Variants in TMEM272 observed in about 807,000 individuals in gnomAD.
The protein encoded by TMEM272 is long intergenic non-protein coding RNA 282.
In TMEM272, 8 loss-of-function variants were observed where a neutral mutation model predicts 3.7. That is an observed-to-expected ratio of 2.17 (90% CI 1.27 to 3.91). TMEM272 has a LOEUF of 3.91. Among genes scored for constraint, TMEM272 ranks in the 30% most tolerant of loss-of-function variants. The pLI is 0.00. For missense variants in TMEM272, 166 were observed against 91.5 expected (o/e 1.81, Z -3.32); for synonymous variants, 63 against 39.8 (o/e 1.58, Z -2.20).
At chr13:51,822,221 A>C in intron 3 of TMEM272, 84 bp from the exon 4 acceptor site, 3 of 624,498 alleles carry the variant, frequency 4.8e-6, no homozygotes, top group Non-Finnish European at 8.6e-6. Context: ...GAACACCTTC[A>C]AAAGCCAAAA....
the TMEM272 span, among the ~76,000 whole-genome samples, chr13:51,893,236 G>A: frequency 6.6e-5 from 10 of 152,212 alleles, no homozygotes; most frequent in Admixed American, 6.5e-5. Context: ...TGCAGTTCTC[G>A]AGTATTTGTT....
At chr13:51,912,312 C>T in the TMEM272 span, among the ~76,000 whole-genome samples, 2 of 152,158 alleles carry the variant, frequency 1.3e-5, no homozygotes, top group African/African-American at 4.8e-5. Context: ...TTCCCATTCA[C>T]GCTTGTTCTT....
chr13:51,930,733 T>G, the TMEM272 span, among the ~76,000 whole-genome samples: 1 of 150,648 alleles, frequency 6.6e-6, no homozygotes, highest in African/African-American at 2.4e-5. Flanking sequence ...ACTAAAACAC[T>G]GTCATAATTT....
chr13:51,934,221 G>A, the TMEM272 span: 2 of 208,278 alleles, frequency 9.6e-6, no homozygotes, highest in Non-Finnish European at 9.9e-6. Context: ...CAAGCACACA[G>A]GAGAGAAAAG....
At chr13:51,924,267 C>G in the TMEM272 span, among the ~76,000 whole-genome samples, 2 of 152,128 alleles carry the variant, frequency 1.3e-5, no homozygotes, top group Admixed American at 1.3e-4. Flanking sequence ...AAAAACACCC[C>G]CTCAGGCCTG....
chr13:51,908,364 G>C, the TMEM272 span: 18,869 of 1,367,348 alleles, frequency 0.014, 526 homozygotes, highest in East Asian at 0.14. Flanking sequence ...AAAACCCCTC[G>C]GTGGACAGAC....
the TMEM272 span, among the ~76,000 whole-genome samples, chr13:51,865,105 C>T: frequency 6.6e-6 from 1 of 152,222 alleles, no homozygotes; most frequent in East Asian, 1.9e-4. Context: ...TCCTTCTTGG[C>T]TGAGTGTCTA....
At chr13:51,877,735 TTC>T in the TMEM272 span, among the ~76,000 whole-genome samples, 1 of 152,246 alleles carries the variant, frequency 6.6e-6, no homozygotes, top group African/African-American at 2.4e-5. Flanking sequence ...TTGCTGCAAA[TTC>T]TTTTCCCACT....
intron 2 of TMEM272, among the ~76,000 whole-genome samples, chr13:51,828,718 T>C (rs539272746): frequency 4.5e-4 from 69 of 152,172 alleles, no homozygotes; most frequent in Non-Finnish European, 7.6e-4. Context: ...GACAGGACAG[T>C]GAGGAATATG....
intron 2 of TMEM272, among the ~76,000 whole-genome samples, chr13:51,838,214 A>T (rs923305167): frequency 6.6e-6 from 1 of 152,218 alleles, no homozygotes; most frequent in Non-Finnish European, 1.5e-5. Context: ...GACTCCGTTC[A>T]CATGCATATT....
intron 3 of TMEM272, 30 bp downstream of exon 3, chr13:51,826,536 T>G: frequency 1.4e-6 from 1 of 702,586 alleles, no homozygotes. Flanking sequence ...GGCTGACCTG[T>G]GGCGTCCAGC....
chr13:51,832,960 C>A (rs58763654), intron 2 of TMEM272, among the ~76,000 whole-genome samples: 2,174 of 152,214 alleles, frequency 0.014, 50 homozygotes, highest in African/African-American at 0.05. Flanking sequence ...GTGGAAGGGA[C>A]CAGCAGGGGC....
At chr13:51,865,699 C>G in the TMEM272 span, 1 of 1,614,126 alleles carries the variant, frequency 6.2e-7, no homozygotes, top group East Asian at 2.2e-5. Context: ...AAAAATCCTT[C>G]TGGGAAATGG....
At chr13:51,822,723 C>T (rs1390325490) in intron 3 of TMEM272, among the ~76,000 whole-genome samples, 2 of 152,196 alleles carry the variant, frequency 1.3e-5, no homozygotes, top group African/African-American at 4.8e-5. Context: ...CTGGGAAACA[C>T]GCGTGTACTC....
chr13:51,918,636 T>C, the TMEM272 span, among the ~76,000 whole-genome samples: 7 of 152,030 alleles, frequency 4.6e-5, no homozygotes, highest in Non-Finnish European at 1.0e-4. Flanking sequence ...TTTATTTAGT[T>C]AGTCTTTGGA....
At chr13:51,865,426 G>A in the TMEM272 span, 2 of 1,611,732 alleles carry the variant, frequency 1.2e-6, no homozygotes, top group Non-Finnish European at 1.7e-6. Context: ...TTTCCTTCAA[G>A]GTGAGCAGAT....
intron 2 of TMEM272, among the ~76,000 whole-genome samples, chr13:51,835,077 G>A (rs1446515080): frequency 6.6e-6 from 1 of 152,066 alleles, no homozygotes; most frequent in African/African-American, 2.4e-5. Flanking sequence ...CCTACTCCCT[G>A]GATGAACGCC....
the TMEM272 span, among the ~76,000 whole-genome samples, chr13:51,898,380 A>T: frequency 1.3e-5 from 2 of 152,024 alleles, no homozygotes; most frequent in Non-Finnish European, 2.9e-5. Flanking sequence ...TTCTATATCT[A>T]CATGCTTTTC....
the TMEM272 span, among the ~76,000 whole-genome samples, chr13:51,894,930 G>C: frequency 1.3e-5 from 2 of 151,902 alleles, no homozygotes; most frequent in South Asian, 2.1e-4. Flanking sequence ...ATGGGAGACA[G>C]TGACAGATCA....
Sources: allele counts gnomAD v4.1 joint callset (sites outside exome capture counted in the v4.1 genomes callset), GRCh38; gene constraint gnomAD v4.1.1; transcripts MANE v1.5; gene names NCBI Gene and HGNC (gene_info 2026-07-23, HGNC 2026-07-21).